The following CDH7 variants were observed in gnomAD, a reference collection of about 807,000 sequenced individuals.
CDH7 encodes cadherin 7, also known as cadherin-7.
CDH7 carries 25 observed loss-of-function variants against 71.8 expected under a neutral mutation model. The ratio of observed to expected loss-of-function variants is 0.35; its 90% CI spans 0.25 to 0.49. CDH7 has a LOEUF of 0.49. Among genes scored for constraint, CDH7 ranks in the 20% least tolerant of loss-of-function variants. The probability of loss-of-function intolerance (pLI) is 0.99; values close to 1 mark genes in which losing one functional copy is unlikely to be tolerated. For synonymous variants in CDH7, 381 were observed against 363.8 expected (o/e 1.05, Z -0.54); for missense variants, 862 against 974.6 (o/e 0.88, Z 1.54).
chr18:65,750,315 T>G (rs1182153808), upstream of CDH7: 2 of 151,928 alleles, frequency 1.3e-5, no homozygotes, highest in African/African-American at 4.8e-5. Flanking sequence ...AAGTTCTGAT[T>G]AGTTTTATGA....
At chr18:65,786,917 G>A (rs976619658) in intron 2 of CDH7, among the ~76,000 whole-genome samples, 2 of 152,026 alleles carry the variant, frequency 1.3e-5, no homozygotes, top group Non-Finnish European at 2.9e-5. Context: ...TCGAACTCCT[G>A]GCATCAAATG....
In CDH7 at chr18:65,876,516, G is replaced by A. The variant is rs547996767; in HGVS notation, c.1865-3885G>A. ...ACCTCTTTCTTTGCCCTCCAGCCAC[G>A]TTGGCCTCAAATATTTGCTCACTGT... On this transcript the variant is annotated intron_variant, in intron 11 of 11. Coordinates refer to ENST00000397968, the MANE Select transcript of CDH7 (RefSeq NM_004361.5). Among the ~76,000 whole-genome samples, 66 of 152,082 alleles carry A rather than the reference G, an allele frequency of 4.3e-4. 1 individual carries two copies. The South Asian group carries it at 0.012, about 27-fold the overall frequency.
chr18:65,860,784 A>G (rs1190942335), intron 10 of CDH7, among the ~76,000 whole-genome samples: 1 of 152,306 alleles, frequency 6.6e-6, no homozygotes, highest in African/African-American at 2.4e-5. Context: ...TTTTGCATGA[A>G]GCCATCACCT....
intron 7 of CDH7, among the ~76,000 whole-genome samples, chr18:65,853,016 T>C (rs1376087415): frequency 6.6e-6 from 1 of 152,166 alleles, no homozygotes; most frequent in African/African-American, 2.4e-5. Flanking sequence ...GAACTAGTTT[T>C]AGGCTGGATA....
chr18:65,825,262 C>T (rs750380461), intron 6 of CDH7, among the ~76,000 whole-genome samples: 1 of 151,792 alleles, frequency 6.6e-6, no homozygotes, highest in Non-Finnish European at 1.5e-5. Flanking sequence ...ATGTTGAAAA[C>T]TTGCTACATT....
At chr18:65,834,624 T>C (rs529552200) in intron 6 of CDH7, among the ~76,000 whole-genome samples, 47 of 152,196 alleles carry the variant, frequency 3.1e-4, no homozygotes, top group Non-Finnish European at 5.7e-4. Flanking sequence ...AGAAATTGCA[T>C]ATGTTATCAA....
intron 11 of CDH7, among the ~76,000 whole-genome samples, chr18:65,869,639 C>G (rs1026075961): frequency 1.5e-5 from 2 of 133,672 alleles, no homozygotes; most frequent in African/African-American, 5.4e-5. Context: ...CCCATAATAC[C>G]TTGCATCTAG....
At chr18:65,853,970 A>C (rs1236204627) in intron 7 of CDH7, among the ~76,000 whole-genome samples, 3 of 126,866 alleles carry the variant, frequency 2.4e-5, no homozygotes, top group Admixed American at 8.5e-5. Flanking sequence ...ATTTAGTGAG[A>C]TCTAAGTGGG....
At chr18:65,761,349 C>G (rs1206607373) in intron 1 of CDH7, among the ~76,000 whole-genome samples, 1 of 126,642 alleles carries the variant, frequency 7.9e-6, no homozygotes, top group Non-Finnish European at 1.6e-5. Flanking sequence ...ATTTCTTTTA[C>G]TACATATAGT....
At chr18:65,754,636 A>G (rs544932392) in intron 1 of CDH7, among the ~76,000 whole-genome samples, 3 of 152,318 alleles carry the variant, frequency 2.0e-5, no homozygotes, top group Admixed American at 1.3e-4. Context: ...GGATGATTAT[A>G]ATGCGAATAT....
intron 2 of CDH7, among the ~76,000 whole-genome samples, chr18:65,787,809 A>G (rs1217910053): frequency 6.6e-6 from 1 of 152,196 alleles, no homozygotes; most frequent in Non-Finnish European, 1.5e-5. Context: ...CATAGCTACA[A>G]TACTACAATT....
rs182904859 is a variant in CDH7 at position 65,852,572 on chromosome 18, A to G, written c.1236-5244A>G. Among the ~76,000 whole-genome samples the G allele has an allele frequency of 7.2e-4, 110 of 152,276 alleles. 1 individual carries two copies. In the South Asian group the frequency reaches 7.9e-3, roughly 11 times the overall value. On this transcript the variant is annotated intron_variant, in intron 7 of 11. Transcript: ENST00000397968. ...GAAAGGGGGAGGGCAGAAATCAAAT[A>G]CCAGGTAAATTAACAGCTATCACTC...
intron 2 of CDH7, among the ~76,000 whole-genome samples, chr18:65,771,349 A>G (rs945929646): frequency 2.6e-5 from 4 of 152,072 alleles, no homozygotes; most frequent in East Asian, 1.9e-4. Flanking sequence ...AATTTCAAAA[A>G]TGTATTAGAG....
chr18:65,872,377 G>A (rs746513215), intron 11 of CDH7, among the ~76,000 whole-genome samples: 2 of 152,138 alleles, frequency 1.3e-5, no homozygotes, highest in Non-Finnish European at 2.9e-5. Context: ...TAAAATAAAA[G>A]TTAATAATAT....
intron 10 of CDH7, among the ~76,000 whole-genome samples, chr18:65,860,256 A>G: frequency 6.6e-6 from 1 of 152,100 alleles, no homozygotes; most frequent in Admixed American, 6.6e-5. Flanking sequence ...AATACCCCTT[A>G]CTCTTTTATT....
rs373119499 is a variant in CDH7 at position 65,789,478 on chromosome 18, T to TG, written c.211-20226_211-20225insG. Among the ~76,000 whole-genome samples, 315 of 149,222 alleles carry TG rather than the reference T, an allele frequency of 2.1e-3. 2 individuals are homozygous for TG. The highest frequency in any genetic ancestry group is 0.01 in the Middle Eastern group (3 of 292). On this transcript the variant is annotated intron_variant, in intron 2 of 11. Coordinates refer to ENST00000397968, the MANE Select transcript of CDH7 (RefSeq NM_004361.5). Reference sequence around the variant, plus strand: ...TACATGTGCTATTTTTTTGTTTGTTTTTTTTTGTTTGTTTTTTGATAAGTT... The same window carrying TG: ...TACATGTGCTATTTTTTTGTTTGTTTGTTTTTTGTTTGTTTTTTGATAAGTT...
At chr18:65,758,840 G>A (rs892922686) in intron 1 of CDH7, among the ~76,000 whole-genome samples, 4 of 152,186 alleles carry the variant, frequency 2.6e-5, no homozygotes, top group African/African-American at 9.7e-5. Context: ...TGAGCATTAT[G>A]TAAATGGTTT....
At chr18:65,764,474 CATATAT>C (rs1475441722) in intron 2 of CDH7, among the ~76,000 whole-genome samples, 1 of 151,862 alleles carries the variant, frequency 6.6e-6, no homozygotes, top group Non-Finnish European at 1.5e-5. Flanking sequence ...ATTTACTGTA[CATATAT>C]ATGCTAAATA....
At chr18:65,810,061 T>A (rs920868085) in intron 3 of CDH7, 63 bp downstream of exon 3, 1 of 1,377,544 alleles carries the variant, frequency 7.3e-7, no homozygotes, top group African/African-American at 1.5e-5. Context: ...GTATTTAAAA[T>A]TAAATCATCA....
Sources: gnomAD v4.1 joint callset for allele counts (sites outside exome capture counted in the v4.1 genomes callset) on GRCh38, gnomAD v4.1.1 for gene constraint, MANE v1.5 for transcripts, NCBI Gene and HGNC (gene_info 2026-07-23, HGNC 2026-07-21) for gene names.